Variants in ANGPT1 observed in about 807,000 individuals in gnomAD.
ANGPT1 encodes angiopoietin 1, also known as angiopoietin-1.
A neutral mutation model predicts 62.2 loss-of-function variants in ANGPT1; 17 were observed. The observed-to-expected ratio is 0.27, with a 90% CI of 0.19 to 0.41. The LOEUF is 0.41. Among genes scored for constraint, ANGPT1 ranks in the 10% least tolerant of loss-of-function variants. The pLI is 1.00. For missense variants in ANGPT1, 478 were observed against 594.9 expected (o/e 0.80, Z 2.04); for synonymous variants, 199 against 198.9 (o/e 1.00, Z 0.00).
chr8:107,368,328 A>G (rs1333022774), intron 1 of ANGPT1, among the ~76,000 whole-genome samples: 1 of 152,048 alleles, frequency 6.6e-6, no homozygotes, highest in African/African-American at 2.4e-5. Flanking sequence ...TAAAATATTC[A>G]TCATGCCATG....
At chr8:107,384,162 T>C (rs1816690458) in intron 1 of ANGPT1, among the ~76,000 whole-genome samples, 1 of 152,094 alleles carries the variant, frequency 6.6e-6, no homozygotes, top group South Asian at 2.1e-4. Flanking sequence ...TCTTGAATGA[T>C]TCGTTTGACT....
intron 1 of ANGPT1, among the ~76,000 whole-genome samples, chr8:107,485,128 C>A (rs1170312158): frequency 6.6e-6 from 1 of 152,194 alleles, no homozygotes; most frequent in Non-Finnish European, 1.5e-5. Context: ...CAGTGGCCCC[C>A]AAACAGCTTG....
At chr8:107,366,798 A>T (rs996412556) in intron 1 of ANGPT1, among the ~76,000 whole-genome samples, 1 of 152,216 alleles carries the variant, frequency 6.6e-6, no homozygotes, top group Non-Finnish European at 1.5e-5. Context: ...TCAATAGAAT[A>T]TGGCAGAATA....
intron 1 of ANGPT1, among the ~76,000 whole-genome samples, chr8:107,486,268 G>A (rs1265082671): frequency 2.0e-5 from 3 of 152,148 alleles, no homozygotes; most frequent in Non-Finnish European, 4.4e-5. Flanking sequence ...CTCATATTTG[G>A]TTAAGAGCAT....
chr8:107,317,640 T>A (rs1461287896), intron 4 of ANGPT1, among the ~76,000 whole-genome samples: 25 of 151,614 alleles, frequency 1.6e-4, no homozygotes, highest in South Asian at 1.5e-3. Context: ...TTTTATTTTT[T>A]TTTTTTTTGA....
At chr8:107,304,087 GAACA>G (rs966946306) in intron 4 of ANGPT1, among the ~76,000 whole-genome samples, 23 of 151,762 alleles carry the variant, frequency 1.5e-4, no homozygotes, top group African/African-American at 5.5e-4. Context: ...ACAAATAAAA[GAACA>G]AACAAATAAG....
chr8:107,446,016 C>T (rs768086637), intron 1 of ANGPT1, among the ~76,000 whole-genome samples: 1 of 152,156 alleles, frequency 6.6e-6, no homozygotes, highest in Non-Finnish European at 1.5e-5. Context: ...CTCCCGGGGT[C>T]AAGCGATTCT....
At chr8:107,422,889 G>A (rs147626437) in intron 1 of ANGPT1, among the ~76,000 whole-genome samples, 111 of 152,256 alleles carry the variant, frequency 7.3e-4, no homozygotes, top group African/African-American at 2.5e-3. Flanking sequence ...AATGATACGT[G>A]AAAAACTCTA....
intron 1 of ANGPT1, among the ~76,000 whole-genome samples, chr8:107,451,709 A>G (rs1314949479): frequency 1.3e-5 from 2 of 151,928 alleles, no homozygotes; most frequent in East Asian, 1.9e-4. Context: ...TATCACAGGG[A>G]TGCCATTGTG....
intron 1 of ANGPT1, among the ~76,000 whole-genome samples, chr8:107,459,788 G>A (rs748791507): frequency 2.4e-4 from 36 of 152,018 alleles, no homozygotes; most frequent in Admixed American, 2.0e-3. Flanking sequence ...TGTCATTGAA[G>A]TAGAGGGAAA....
intron 1 of ANGPT1, among the ~76,000 whole-genome samples, chr8:107,444,592 T>C (rs1811565444): frequency 6.6e-6 from 1 of 152,066 alleles, no homozygotes; most frequent in South Asian, 2.1e-4. Context: ...TCTAGAAAAA[T>C]CTTTAAAATT....
Position 107,322,037 on chromosome 8 carries a change from C to A in ANGPT1, c.667G>T (p.Val223Phe). The A allele has an allele frequency of 6.2e-7, 1 of 1,613,904 alleles. No homozygotes were observed. Among genetic ancestry groups the A allele is most frequent in the Non-Finnish European group, 8.5e-7 (1 of 1,179,888 alleles). Residue 223 changes from valine (V) to phenylalanine (F), a missense_variant, in exon 4 of 9, where the codon GTT (valine) becomes TTT (phenylalanine). Physicochemically the swap from Val to Phe is conservative, Grantham distance 50 (BLOSUM62 -1). This residue lies in a region of ANGPT1 where 343 missense variants were observed against 355.4 expected (regional missense o/e 0.97). Transcript: ENST00000517746. ...KEEKENLQGL[V>F]TRQTYIIQEL... is the part of the protein sequence containing the mutation. Reference sequence around the variant, plus strand: ...TGGATTATATATGTTTGACGAGTAACCAAGCCTTGAAGGTTCTCTTTCTCT... The same window carrying A: ...TGGATTATATATGTTTGACGAGTAAACAAGCCTTGAAGGTTCTCTTTCTCT...
intron 2 of ANGPT1, among the ~76,000 whole-genome samples, chr8:107,340,216 GA>G (rs1174287950): frequency 4.0e-5 from 6 of 150,018 alleles, no homozygotes; most frequent in South Asian, 4.2e-4. Flanking sequence ...CATCTTTGGG[GA>G]AAAAAAAAGA....
intron 1 of ANGPT1, among the ~76,000 whole-genome samples, chr8:107,397,126 A>G (rs1397134481): frequency 2.6e-5 from 4 of 152,206 alleles, no homozygotes; most frequent in African/African-American, 9.7e-5. Context: ...TTCAGTAATG[A>G]CATGAGTTAC....
intron 1 of ANGPT1, among the ~76,000 whole-genome samples, chr8:107,432,257 A>G (rs910035994): frequency 9.2e-5 from 14 of 151,706 alleles, no homozygotes; most frequent in Non-Finnish European, 2.1e-4. Context: ...TTATTTTGGG[A>G]TTATTCCTTT....
At chr8:107,435,879 A>G (rs1056219741) in intron 1 of ANGPT1, among the ~76,000 whole-genome samples, 1 of 152,140 alleles carries the variant, frequency 6.6e-6, no homozygotes, top group Admixed American at 6.5e-5. Context: ...CCTATGAGGT[A>G]TATAATACAA....
chr8:107,256,626 T>A (rs1813362810), intron 8 of ANGPT1, among the ~76,000 whole-genome samples: 1 of 152,184 alleles, frequency 6.6e-6, no homozygotes, highest in Admixed American at 6.5e-5. Context: ...AATAGCTGAA[T>A]TATATATTCT....
intron 1 of ANGPT1, among the ~76,000 whole-genome samples, chr8:107,459,528 C>CAACAACAAAAAA (rs1554596576): frequency 7.1e-6 from 1 of 140,346 alleles, no homozygotes; most frequent in African/African-American, 2.6e-5. Flanking sequence ...ACAACAACAA[C>CAACAACAAAAAA]AAAACAAGTA....
rs1586204670 is a variant in ANGPT1, at chr8:107,303,365, A to C, written c.811T>G (p.Leu271Val). Residue 271 changes from leucine (L) to valine (V), a missense_variant and splice_region_variant, in exon 5 of 9, where the codon TTA becomes GTA. Leu to Val is a conservative substitution (Grantham distance 32, BLOSUM62 1). This residue lies in a region of ANGPT1 where 343 missense variants were observed against 355.4 expected (regional missense o/e 0.97). Coordinates refer to ENST00000517746, the MANE Select transcript of ANGPT1 (RefSeq NM_001146.5). ...TCCTCTCTTTTTCCTCCCTTTAGTAAAACTGCAAAAAAAAAAAAAAAGATT... is the reference window on the plus strand; with the variant it reads ...TCCTCTCTTTTTCCTCCCTTTAGTACAACTGCAAAAAAAAAAAAAAAGATT... ...LVNLCTKEGV[L>V]LKGGKREEEK... 1 of 1,569,814 alleles carries C rather than the reference A, an allele frequency of 6.4e-7. No homozygotes were observed. Among genetic ancestry groups the C allele is most frequent in the African/African-American group, 1.6e-5 (1 of 63,276 alleles).
Sources: allele counts gnomAD v4.1 joint callset (sites outside exome capture counted in the v4.1 genomes callset), GRCh38; gene constraint gnomAD v4.1.1; regional missense constraint gnomAD v4.1.1; transcripts MANE v1.5; gene names NCBI Gene and HGNC (gene_info 2026-07-23, HGNC 2026-07-21).